The following COQ8A variants were observed in gnomAD, a reference collection of about 807,000 sequenced individuals.
COQ8A encodes the protein coenzyme Q8A, also known as atypical kinase COQ8A, mitochondrial.
COQ8A carries 51 observed loss-of-function variants against 65.0 expected under a neutral mutation model. The ratio of observed to expected loss-of-function variants is 0.78; its 90% confidence interval spans 0.63 to 0.99. COQ8A has a LOEUF of 0.99. COQ8A is among the 50% of genes least tolerant of loss of function. The pLI is 0.00. For synonymous variants in COQ8A, 371 were observed against 353.2 expected (o/e 1.05, Z -0.57); for missense variants, 940 against 875.0 (o/e 1.07, Z -0.94).
At chr1:226,985,367 G>T (rs770362096) in intron 14 of COQ8A, 27 bp downstream of exon 14, 1 of 1,610,710 alleles carries the variant, frequency 6.2e-7, no homozygotes, top group South Asian at 1.1e-5. Context: ...GGGATCCCCT[G>T]GGCCTGCTGA....
Position 226,986,884 on chromosome 1 carries a change from C to A in COQ8A, c.*147C>A. 1.0e-6 allele frequency: 1 copy of A among 977,908 alleles called. No homozygotes were observed. Among genetic ancestry groups the A allele is most frequent in the Non-Finnish European group, 1.5e-6 (1 of 660,356 alleles). The allele number at this position is 977,908 out of a possible 1,614,324, so 60.6% of individuals were successfully genotyped here. On this transcript the variant is annotated 3_prime_UTR_variant, in exon 15 of 15. Transcript: ENST00000366777. ...CCTGGAGCCCCGTAGCCAGCGCTTT[C>A]CACGGTTTCTGTTGCTAAATGGTTG...
At position 226,972,490 on chromosome 1, in the gene COQ8A, C is replaced by T. The variant is rs1176412784; in HGVS notation, c.656-4959C>T. Among the ~76,000 whole-genome samples the T allele has an allele frequency of 2.0e-5, 3 of 151,996 alleles. No homozygotes were observed. Among genetic ancestry groups the T allele is most frequent in the Admixed American group, 6.6e-5 (1 of 15,254 alleles). On this transcript the variant is annotated intron_variant, in intron 4 of 14. Coordinates refer to ENST00000366777, the MANE Select transcript of COQ8A (RefSeq NM_020247.5). The surrounding 1 kb of genome is among the most constrained non-coding windows in gnomAD (Gnocchi z 4.3). ...GTAAAAGGTTGGGGGTCCCTTACTC[C>T]CAGAAAAATACTTTGCTTTTAAATA... is the stretch of plus-strand genomic sequence containing the variant.
chr1:226,985,445 C>T (rs1572086828), intron 14 of COQ8A, 105 bp downstream of exon 14: 3 of 1,333,922 alleles, frequency 2.2e-6, no homozygotes, highest in East Asian at 4.7e-5. Context: ...AAGGGGCCCC[C>T]AGAGCCCGGG....
rs1660017702 is a variant in COQ8A, at chr1:226,985,239, TG to T, written c.1573-14del. 6 of 1,612,830 alleles carry T rather than the reference TG, an allele frequency of 3.7e-6. No individual in the cohort carries two copies. The East Asian group carries it at 1.3e-4, about 36-fold the overall frequency. ...TTTCATGCTGCCCACGGTCCCCTCCTGTGCCTCTCCCCAGATCATCAGGGCT... is the reference window on the plus strand; with the variant it reads ...TTTCATGCTGCCCACGGTCCCCTCCTTGCCTCTCCCCAGATCATCAGGGCT... On this transcript the variant is annotated splice_polypyrimidine_tract_variant and intron_variant, in intron 13 of 14. Coordinates refer to ENST00000366777, the MANE Select transcript of COQ8A (RefSeq NM_020247.5).
intron 10 of COQ8A, 22 bp downstream of exon 10, chr1:226,983,876 C>T: frequency 1.3e-6 from 2 of 1,582,398 alleles, no homozygotes; most frequent in South Asian, 2.2e-5. Flanking sequence ...GGCCGGGCCC[C>T]TTGCGTGTTT....
At chr1:226,941,039 C>G (rs942945751) in intron 1 of COQ8A, among the ~76,000 whole-genome samples, 1 of 152,184 alleles carries the variant, frequency 6.6e-6, no homozygotes, top group Admixed American at 6.5e-5. Context: ...CCCCTAAACT[C>G]GAACCTTTCC....
At position 226,961,431 on chromosome 1, in the gene COQ8A, G is replaced by T; in HGVS notation, c.46G>T (p.Val16Phe). ...CACCATCATGGTGGCTAAAGGCCTT[G>T]TCAAGCTGACCCAGGCGGCCGTGGA... ...GDTIMVAKGLVKLTQAAVETH... is the reference protein window; with the variant it reads ...GDTIMVAKGLFKLTQAAVETH... Residue 16 changes from valine (V) to phenylalanine (F), a missense_variant, in exon 2 of 15, where the codon GTC becomes TTC. Physicochemically the swap from Val to Phe is conservative, Grantham distance 50. Transcript: ENST00000366777. The T allele has an allele frequency of 6.2e-7, 1 of 1,613,836 alleles. No individual in the cohort carries two copies. Among genetic ancestry groups the T allele is most frequent in the Non-Finnish European group, 8.5e-7 (1 of 1,180,042 alleles).
intron 4 of COQ8A, among the ~76,000 whole-genome samples, chr1:226,974,191 GA>G (rs1659057679): frequency 6.6e-6 from 1 of 152,216 alleles, no homozygotes; most frequent in Non-Finnish European, 1.5e-5. Context: ...CTGGGCTCCA[GA>G]AGTCATAGGA....
intron 14 of COQ8A, 88 bp downstream of exon 14, chr1:226,985,428 T>C: frequency 6.6e-7 from 1 of 1,514,522 alleles, no homozygotes; most frequent in Non-Finnish European, 9.1e-7. Context: ...AGGGGGCAGC[T>C]GCCCTCAAGG....
chr1:226,980,497 G>A (rs994869138), intron 5 of COQ8A, among the ~76,000 whole-genome samples: 8 of 152,282 alleles, frequency 5.3e-5, no homozygotes, highest in African/African-American at 1.9e-4. Flanking sequence ...AGGGACCCAG[G>A]CCCAAGCCCC....
intron 14 of COQ8A, 102 bp from the exon 15 acceptor site, chr1:226,986,351 G>C: frequency 7.5e-7 from 1 of 1,327,108 alleles, no homozygotes; most frequent in Non-Finnish European, 1.1e-6. Context: ...TTACAGCAGA[G>C]CTTTGAATGA....
chr1:226,956,555 C>T (rs1657776555), intron 1 of COQ8A, among the ~76,000 whole-genome samples: 1 of 85,402 alleles, frequency 1.2e-5, no homozygotes, highest in African/African-American at 5.6e-5. Context: ...CTGGCTCCCA[C>T]TCTCCCTGGT....
At chr1:226,984,001 A>G in intron 10 of COQ8A, 93 bp from the exon 11 acceptor site, 1 of 1,388,780 alleles carries the variant, frequency 7.2e-7, no homozygotes, top group Non-Finnish European at 9.6e-7. Context: ...CCTGGGGTGA[A>G]GGAGGGCCCT....
At chr1:226,981,690 C>A (rs1659699915) in intron 5 of COQ8A, among the ~76,000 whole-genome samples, 1 of 152,210 alleles carries the variant, frequency 6.6e-6, no homozygotes, top group Admixed American at 6.5e-5. Flanking sequence ...GTTCCCACTC[C>A]CACGCCCCTT....
At chr1:226,980,338 C>T (rs573440503) in intron 5 of COQ8A, among the ~76,000 whole-genome samples, 2 of 152,354 alleles carry the variant, frequency 1.3e-5, no homozygotes, top group South Asian at 4.1e-4. Context: ...CTGGGAAAGC[C>T]CGGATTGGGC....
intron 1 of COQ8A, among the ~76,000 whole-genome samples, chr1:226,940,968 T>C (rs931438713): frequency 1.3e-5 from 2 of 152,192 alleles, no homozygotes; most frequent in Non-Finnish European, 2.9e-5. Flanking sequence ...TCCTTTCGCT[T>C]TTCTTTGGCC....
At chr1:226,984,855 T>C in intron 12 of COQ8A, 21 bp from the exon 13 acceptor site, 1 of 1,613,394 alleles carries the variant, frequency 6.2e-7, no homozygotes, top group Admixed American at 1.7e-5. Flanking sequence ...GCCAAACTTC[T>C]CCTGGTGTCT....
intron 5 of COQ8A, among the ~76,000 whole-genome samples, chr1:226,978,844 A>C (rs1316286788): frequency 2.2e-5 from 2 of 91,020 alleles, no homozygotes; most frequent in African/African-American, 4.0e-5. Flanking sequence ...TTACACACCC[A>C]CCTCATACCT....
intron 11 of COQ8A, 147 bp from the exon 12 acceptor site, chr1:226,984,401 C>T: frequency 7.9e-7 from 1 of 1,263,506 alleles, no homozygotes; most frequent in South Asian, 1.2e-5. Context: ...GGAGCTGCTG[C>T]CTTCCCTGGC....
Sources: allele counts gnomAD v4.1 joint callset (sites outside exome capture counted in the v4.1 genomes callset), GRCh38; gene constraint gnomAD v4.1.1; non-coding constraint Gnocchi (gnomAD v3.1); transcripts MANE v1.5; gene names NCBI Gene and HGNC (gene_info 2026-07-23, HGNC 2026-07-21).